Variants in SLC1A2 observed in about 807,000 individuals in gnomAD.
The protein encoded by SLC1A2 is solute carrier family 1 member 2.
Under a neutral mutation model 48.8 loss-of-function variants are expected in SLC1A2, and 15 were observed. The ratio of observed to expected loss-of-function variants is 0.31; its 90% CI spans 0.21 to 0.47. The LOEUF (loss-of-function observed/expected upper bound fraction) is 0.47, where lower values mean the gene tolerates loss of function less well. Among genes scored for constraint, SLC1A2 ranks in the 20% least tolerant of loss-of-function variants. The pLI, the probability that SLC1A2 is intolerant of heterozygous loss-of-function variation, is 0.99. For synonymous variants in SLC1A2, 279 were observed against 272.6 expected (o/e 1.02, Z -0.23); for missense variants, 502 against 730.5 (o/e 0.69, Z 3.61).
At chr11:35,279,626 C>G (rs747696672) in intron 9 of SLC1A2, among the ~76,000 whole-genome samples, 1 of 152,174 alleles carries the variant, frequency 6.6e-6, no homozygotes, top group Non-Finnish European at 1.5e-5. Flanking sequence ...GCTCAGCTAC[C>G]ACTGCCTTTA....
chr11:35,348,754 T>C (rs893954850), intron 1 of SLC1A2, among the ~76,000 whole-genome samples: 2 of 151,466 alleles, frequency 1.3e-5, no homozygotes, highest in Admixed American at 6.6e-5. Context: ...TAGCCAGGCG[T>C]GGTGGCTCAC....
chr11:35,339,079 G>A (rs779805547), intron 1 of SLC1A2, among the ~76,000 whole-genome samples: 1 of 152,214 alleles, frequency 6.6e-6, no homozygotes. Flanking sequence ...GCAAGACCCA[G>A]TAGAGTACTG....
intron 4 of SLC1A2, among the ~76,000 whole-genome samples, chr11:35,310,059 C>T (rs559385138): frequency 1.3e-5 from 2 of 152,346 alleles, no homozygotes; most frequent in East Asian, 1.9e-4. Flanking sequence ...TCCACCACAG[C>T]GCTCACCGAG....
chr11:35,402,135 A>T lies in SLC1A2; in HGVS notation c.17+16815T>A, dbSNP rs1426940872. Among the ~76,000 whole-genome samples the T allele has an allele frequency of 2.0e-5, 3 of 152,318 alleles. No homozygotes were observed. The South Asian group carries it at 6.2e-4, about 32-fold the overall frequency. The stretch of plus-strand genomic sequence containing the variant: ...TCTTTGTCCCAAGTTGCTGGCACAT[A>T]GCTAAAACCTTTGGGTGACTTTGGT... On this transcript the variant is annotated intron_variant, in intron 1 of 10. Transcript: ENST00000278379.
At chr11:35,370,741 G>T (rs983568815) in intron 1 of SLC1A2, among the ~76,000 whole-genome samples, 1 of 152,082 alleles carries the variant, frequency 6.6e-6, no homozygotes, top group Non-Finnish European at 1.5e-5. Flanking sequence ...CTCACTGGAG[G>T]CAGTGTCTGA....
intron 9 of SLC1A2, among the ~76,000 whole-genome samples, chr11:35,276,427 T>C (rs1850440898): frequency 6.6e-6 from 1 of 151,766 alleles, no homozygotes; most frequent in Non-Finnish European, 1.5e-5. Flanking sequence ...ATCAACATAG[T>C]TAATCCAAAT....
At chr11:35,357,773 A>G (rs954785267) in intron 1 of SLC1A2, among the ~76,000 whole-genome samples, 8 of 152,236 alleles carry the variant, frequency 5.3e-5, no homozygotes, top group Admixed American at 1.3e-4. Context: ...GACCATTAGG[A>G]CAACAACCAA....
chr11:35,314,485 C>T (rs1047882130), intron 3 of SLC1A2, among the ~76,000 whole-genome samples: 2 of 152,042 alleles, frequency 1.3e-5, no homozygotes, highest in Admixed American at 6.5e-5. Context: ...GAGGCTGAGG[C>T]GGGTGGATCA....
chr11:35,356,303 G>A lies in SLC1A2; in HGVS notation c.18-38787C>T, dbSNP rs78054272. On this transcript the variant is annotated intron_variant, in intron 1 of 10. Coordinates refer to ENST00000278379, the MANE Select transcript of SLC1A2 (RefSeq NM_004171.4). The stretch of plus-strand genomic sequence containing the variant: ...ATTGATTTTGAACAGTGATGTTATG[G>A]GCAGGTGTGTGTTTGTTCTATAAAA... Among the ~76,000 whole-genome samples, 1,076 of 152,294 alleles carry A rather than the reference G, an allele frequency of 7.1e-3. 4 individuals carry two copies. Among genetic ancestry groups the A allele is most frequent in the Non-Finnish European group, 0.012 (813 of 68,022 alleles).
chr11:35,361,038 A>G (rs181117041), intron 1 of SLC1A2, among the ~76,000 whole-genome samples: 111 of 152,010 alleles, frequency 7.3e-4, no homozygotes, highest in African/African-American at 2.1e-3. Context: ...AGCATGCCCA[A>G]CTAATTTTTG....
At chr11:35,306,280 T>C in intron 4 of SLC1A2, 38 bp from the exon 5 acceptor site, 1 of 1,552,950 alleles carries the variant, frequency 6.4e-7, no homozygotes, top group South Asian at 1.1e-5. Context: ...GAGCTGAGAT[T>C]TGGCCTATAA....
At chr11:35,407,170 C>A (rs1855324225) in intron 1 of SLC1A2, among the ~76,000 whole-genome samples, 1 of 151,996 alleles carries the variant, frequency 6.6e-6, no homozygotes, top group Non-Finnish European at 1.5e-5. Context: ...TAAGGACAAG[C>A]TGGCTGCCCC....
chr11:35,321,580 G>T (rs1421173274), intron 1 of SLC1A2, among the ~76,000 whole-genome samples: 2 of 152,038 alleles, frequency 1.3e-5, no homozygotes, highest in African/African-American at 4.8e-5. Context: ...AAATGAATAT[G>T]TAATAAGTCA....
rs918244514 is a variant in SLC1A2 at position 35,353,337 on chromosome 11, C to T, written c.18-35821G>A. On this transcript the variant is annotated intron_variant, in intron 1 of 10. Transcript: ENST00000278379. ...AAGCAATGCCTCAGCTTCTCTTCTT[C>T]ACCTAGCAGACTCCTGCTCATCCTT... is the stretch of plus-strand genomic sequence containing the variant. Among the ~76,000 whole-genome samples the T allele has an allele frequency of 1.1e-4, 16 of 152,300 alleles. No individual in the cohort carries two copies. The East Asian group carries it at 1.2e-3, about 11-fold the overall frequency.
intron 3 of SLC1A2, among the ~76,000 whole-genome samples, chr11:35,314,785 C>CTTTTTT (rs5791048): frequency 2.9e-4 from 41 of 140,938 alleles, no homozygotes; most frequent in East Asian, 4.0e-4. Context: ...CTTTTCTTTT[C>CTTTTTT]TTTTTTTTTT....
At chr11:35,320,563 T>TCC (rs1852023020) in intron 1 of SLC1A2, among the ~76,000 whole-genome samples, 1 of 152,226 alleles carries the variant, frequency 6.6e-6, no homozygotes, top group African/African-American at 2.4e-5. Context: ...TCCACCAGTC[T>TCC]ATGAGCCCCA....
chr11:35,394,028 C>A (rs755046423), intron 1 of SLC1A2, among the ~76,000 whole-genome samples: 2 of 152,168 alleles, frequency 1.3e-5, no homozygotes, highest in Non-Finnish European at 2.9e-5. Flanking sequence ...ATCTGTTCAA[C>A]TGAGCCCTTC....
chr11:35,419,262 G>A lies in SLC1A2; in HGVS notation c.-296C>T. ...GGCTCCGAGGGTGGCTTCCCCGAGA[G>A]AGCGATGCGCCCAGGGCTGCAGGAG... is the stretch of plus-strand genomic sequence containing the variant. On this transcript the variant is annotated 5_prime_UTR_variant, in exon 1 of 11. Coordinates refer to ENST00000278379, the MANE Select transcript of SLC1A2 (RefSeq NM_004171.4). This position sits in a 1 kb window ranked among gnomAD's most constrained non-coding sequence, Gnocchi z 5.4. 2.6e-6 allele frequency: 1 copy of A among 377,486 alleles called. No individual in the cohort carries two copies. The allele number at this position is 377,486 out of a possible 1,614,324, so 23.4% of individuals were successfully genotyped here.
intron 1 of SLC1A2, among the ~76,000 whole-genome samples, chr11:35,319,215 C>T (rs556667034): frequency 2.0e-5 from 3 of 152,264 alleles, no homozygotes; most frequent in African/African-American, 4.8e-5. Flanking sequence ...TTCCTCCCCT[C>T]GCCAAGTGAA....
Sources: gnomAD v4.1 joint callset for allele counts (sites outside exome capture counted in the v4.1 genomes callset) on GRCh38, gnomAD v4.1.1 for gene constraint, Gnocchi (gnomAD v3.1) non-coding constraint, MANE v1.5 for transcripts, NCBI Gene and HGNC (gene_info 2026-07-23, HGNC 2026-07-21) for gene names.